Variants in CAPZB observed in about 807,000 individuals in gnomAD.
CAPZB encodes the protein F-actin-capping protein subunit beta.
A neutral mutation model predicts 38.1 loss-of-function variants in CAPZB; 2 were observed. That is an observed-to-expected ratio of 0.05 (90% CI 0.02 to 0.17). The LOEUF (loss-of-function observed/expected upper bound fraction) is 0.17. Among genes scored for constraint, CAPZB ranks in the 10% least tolerant of loss-of-function variants. The pLI is 1.00. For synonymous variants in CAPZB, 107 were observed against 127.4 expected (o/e 0.84, Z 1.08); for missense variants, 161 against 334.2 (o/e 0.48, Z 4.04).
At chr1:19,431,538 G>A (rs899518938) in intron 1 of CAPZB, among the ~76,000 whole-genome samples, 13 of 151,788 alleles carry the variant, frequency 8.6e-5, no homozygotes, top group South Asian at 2.1e-4. Context: ...TGGCTAACAC[G>A]GTGAAACCCC....
Position 19,340,891 on chromosome 1 carries a change from A to G in CAPZB, c.732-1274T>C, listed in dbSNP as rs757786667. On this transcript the variant is annotated intron_variant, in intron 8 of 8. Coordinates refer to ENST00000264202, the MANE Select transcript of CAPZB (RefSeq NM_004930.5). ...AGTGGGTAGAGGGCTGCTCAAGAAG[A>G]GTGCTACGGAGAGTGCACTCAGCCG... Among the ~76,000 whole-genome samples the G allele has an allele frequency of 3.9e-5, 6 of 152,056 alleles. No individual in the cohort carries two copies. In the South Asian group the frequency reaches 1.2e-3, roughly 32 times the overall value.
In CAPZB at chr1:19,357,334, T is replaced by C. The variant is rs2094027078; in HGVS notation, c.471+88A>G. 6.6e-6 allele frequency: 8 copies of C among 1,209,964 alleles called. No individual in the cohort carries two copies. Among genetic ancestry groups the C allele is most frequent in the Middle Eastern group, 2.8e-4 (1 of 3,612 alleles). 75.0% of individuals were successfully genotyped at this position (1,209,964 alleles called of 1,614,324 possible). On this transcript the variant is annotated intron_variant, in intron 5 of 8. Transcript: ENST00000264202. This position sits in a 1 kb window ranked among gnomAD's most constrained non-coding sequence, Gnocchi z 4.3. ...GGGTTCAGAGATCACAGCATCCCCC[T>C]ACTGCATCTGTTAGAGAGCAGCGCG...
chr1:19,339,526 AG>A lies in CAPZB; in HGVS notation c.*3del, dbSNP rs1558163256. ...GGCGTGTCTGGTTAGCATGAAACAG[AG>A]GTTTAGCATTGCTGCTTTCTCTTCA... On this transcript the variant is annotated 3_prime_UTR_variant, in exon 9 of 9. Transcript: ENST00000264202. 1 of 1,606,278 alleles carries A rather than the reference AG, an allele frequency of 6.2e-7. No individual in the cohort carries two copies.
chr1:19,451,955 ATTATTATT>A (rs2094517631), intron 1 of CAPZB, among the ~76,000 whole-genome samples: 1 of 152,018 alleles, frequency 6.6e-6, no homozygotes, highest in African/African-American at 2.4e-5. Flanking sequence ...TATTATTGTA[ATTATTATT>A]TTATTATTTC....
intron 1 of CAPZB, chr1:19,449,327 G>A: frequency 4.9e-6 from 5 of 1,026,934 alleles, no homozygotes; most frequent in Non-Finnish European, 5.9e-6. Flanking sequence ...GGTCAGGCAT[G>A]GAGCTGAGGA....
rs112607946 is a variant in CAPZB at position 19,427,861 on chromosome 1, C to T, written c.4-8111G>A. On this transcript the variant is annotated intron_variant, in intron 1 of 8. Transcript: ENST00000264202. Reference sequence around the variant, plus strand: ...TCAACCTTTTGGGGTCTGCTGTCTACCATCATAGCCAAGTCAATGTCATCT... The same window carrying T: ...TCAACCTTTTGGGGTCTGCTGTCTATCATCATAGCCAAGTCAATGTCATCT... Among the ~76,000 whole-genome samples, 990 of 152,344 alleles carry T rather than the reference C, an allele frequency of 6.5e-3. 11 individuals carry two copies. Among genetic ancestry groups the T allele is most frequent in the African/African-American group, 0.022 (915 of 41,576 alleles).
chr1:19,410,609 G>A (rs188657961), intron 2 of CAPZB, among the ~76,000 whole-genome samples: 1 of 152,014 alleles, frequency 6.6e-6, no homozygotes, highest in East Asian at 1.9e-4. Context: ...GTCAAGCTCT[G>A]GAGGAACATC....
intron 1 of CAPZB, chr1:19,484,548 G>A (rs1051952407): frequency 2.3e-6 from 3 of 1,292,908 alleles, no homozygotes; most frequent in Non-Finnish European, 2.0e-6. Context: ...TGGCTCCTAG[G>A]CGGCCTCCCT....
intron 2 of CAPZB, among the ~76,000 whole-genome samples, chr1:19,403,587 T>A (rs2094314754): frequency 6.6e-6 from 1 of 151,866 alleles, no homozygotes; most frequent in Non-Finnish European, 1.5e-5. Context: ...CAATGTGGAG[T>A]CATTAAGGGA....
chr1:19,419,531 G>A, intron 2 of CAPZB, 130 bp downstream of exon 2: 8 of 634,668 alleles, frequency 1.3e-5, no homozygotes. Flanking sequence ...GAATCTCATA[G>A]TCCAGTGGCA....
intron 1 of CAPZB, among the ~76,000 whole-genome samples, chr1:19,430,721 CG>C (rs2094439172): frequency 6.6e-6 from 1 of 152,142 alleles, no homozygotes; most frequent in African/African-American, 2.4e-5. Context: ...CACCCGCACC[CG>C]CACCTGCACC....
chr1:19,480,569 C>A (rs2094624621), intron 1 of CAPZB, among the ~76,000 whole-genome samples: 1 of 152,206 alleles, frequency 6.6e-6, no homozygotes, highest in Admixed American at 6.5e-5. Flanking sequence ...ACCAAACAGA[C>A]AAGGTCCCTG....
intron 2 of CAPZB, among the ~76,000 whole-genome samples, chr1:19,387,236 A>G (rs1284667861): frequency 1.3e-5 from 2 of 152,268 alleles, no homozygotes; most frequent in Non-Finnish European, 2.9e-5. Context: ...AACCAGGGCC[A>G]GATGAGTCCA....
intron 1 of CAPZB, among the ~76,000 whole-genome samples, chr1:19,451,967 T>C (rs2094517681): frequency 6.6e-6 from 1 of 152,164 alleles, no homozygotes; most frequent in Admixed American, 6.6e-5. Flanking sequence ...TATTATTTTA[T>C]TATTTCTCTC....
At chr1:19,482,138 C>T (rs1473174957) in intron 1 of CAPZB, among the ~76,000 whole-genome samples, 1 of 152,184 alleles carries the variant, frequency 6.6e-6, no homozygotes, top group Non-Finnish European at 1.5e-5. Flanking sequence ...TTCCCCACCT[C>T]ATGGAATGTA....
At chr1:19,402,557 C>T (rs769009902) in intron 2 of CAPZB, among the ~76,000 whole-genome samples, 1 of 152,210 alleles carries the variant, frequency 6.6e-6, no homozygotes, top group African/African-American at 2.4e-5. Context: ...CACTAGACAC[C>T]AATTCACACG....
At chr1:19,363,806 C>G (rs967896090) in intron 4 of CAPZB, among the ~76,000 whole-genome samples, 14 of 152,318 alleles carry the variant, frequency 9.2e-5, no homozygotes, top group East Asian at 3.9e-4. Flanking sequence ...CTCTTTACTC[C>G]TTCCTTTCAC....
chr1:19,483,422 T>A (rs1374267803), intron 1 of CAPZB, among the ~76,000 whole-genome samples: 2 of 152,188 alleles, frequency 1.3e-5, no homozygotes, highest in Admixed American at 6.5e-5. Flanking sequence ...AGCTGCCTCA[T>A]CTATAAAATG....
Position 19,357,667 on chromosome 1 carries a change from C to T in CAPZB, c.330-104G>A, listed in dbSNP as rs2094029054. 1 of 1,129,902 alleles carries T rather than the reference C, an allele frequency of 8.9e-7. No homozygotes were observed. Among genetic ancestry groups the T allele is most frequent in the African/African-American group, 1.5e-5 (1 of 64,612 alleles). The allele number at this position is 1,129,902 out of a possible 1,614,324, so 70.0% of individuals were successfully genotyped here. A position where few individuals can be genotyped will look rare whatever the true frequency, so the allele number is the denominator to read the frequency against. On this transcript the variant is annotated intron_variant, in intron 4 of 8. Transcript: ENST00000264202. The surrounding 1 kb of genome is among the most constrained non-coding windows in gnomAD (Gnocchi z 4.3). ...AAGATTCTGGGATTCAGGGCCCTCC[C>T]TGCGACAGTTATGGGAGCCGATCCT...
Sources: allele counts gnomAD v4.1 joint callset (sites outside exome capture counted in the v4.1 genomes callset), GRCh38; gene constraint gnomAD v4.1.1; non-coding constraint Gnocchi (gnomAD v3.1); transcripts MANE v1.5; gene names NCBI Gene and HGNC (gene_info 2026-07-23, HGNC 2026-07-21).